The following ABCD2 variants were observed in gnomAD, a reference collection of about 807,000 sequenced individuals.
The protein encoded by ABCD2 is ATP-binding cassette sub-family D member 2.
A neutral mutation model predicts 70.9 loss-of-function variants in ABCD2; 36 were observed. That is an observed-to-expected ratio of 0.51 (90% confidence interval 0.39 to 0.67). The LOEUF (loss-of-function observed/expected upper bound fraction) is 0.67, where lower values mean the gene tolerates loss of function less well. Ranked by LOEUF, ABCD2 falls within the 30% of genes least tolerant of loss-of-function variation. The pLI is 0.00. For missense variants in ABCD2, 729 were observed against 890.2 expected (o/e 0.82, Z 2.30); for synonymous variants, 304 against 306.9 (o/e 0.99, Z 0.10).
At chr12:39,600,451 C>T (rs1437694336) in intron 6 of ABCD2, 120 bp downstream of exon 6, 12 of 1,017,176 alleles carry the variant, frequency 1.2e-5, no homozygotes, top group Non-Finnish European at 1.7e-5. Flanking sequence ...TTTTTATTTC[C>T]TTAATAGTTT....
the ABCD2 span, among the ~76,000 whole-genome samples, chr12:39,536,694 C>A: frequency 6.6e-6 from 1 of 152,140 alleles, no homozygotes; most frequent in Non-Finnish European, 1.5e-5. Flanking sequence ...CTTAACTGGA[C>A]AACCTTGAGA....
At chr12:39,574,491 T>C (rs1941490339) in intron 8 of ABCD2, among the ~76,000 whole-genome samples, 3 of 152,186 alleles carry the variant, frequency 2.0e-5, no homozygotes, top group Admixed American at 6.5e-5. Flanking sequence ...AATGCCTGTC[T>C]GTTATCAGAG....
At chr12:39,592,947 C>A (rs1941766459) in intron 6 of ABCD2, among the ~76,000 whole-genome samples, 1 of 152,112 alleles carries the variant, frequency 6.6e-6, no homozygotes, top group African/African-American at 2.4e-5. Flanking sequence ...TTTTCCAGAC[C>A]ACATCCTCAT....
intron 9 of ABCD2, among the ~76,000 whole-genome samples, chr12:39,570,369 T>C (rs1463238311): frequency 6.6e-6 from 1 of 152,200 alleles, no homozygotes; most frequent in Non-Finnish European, 1.5e-5. Flanking sequence ...AACAGCATTG[T>C]ACTGACACAA....
the ABCD2 span, among the ~76,000 whole-genome samples, chr12:39,532,660 T>C: frequency 6.6e-6 from 1 of 151,944 alleles, no homozygotes; most frequent in Non-Finnish European, 1.5e-5. Context: ...GATAGCAGTA[T>C]TACAAAAAAA....
intron 9 of ABCD2, among the ~76,000 whole-genome samples, chr12:39,568,728 C>G (rs1941399208): frequency 6.6e-6 from 1 of 152,128 alleles, no homozygotes; most frequent in Non-Finnish European, 1.5e-5. Flanking sequence ...TCCAGTTTTT[C>G]TGCTCTGTTT....
At position 39,586,396 on chromosome 12, in the gene ABCD2, A is replaced by G. The variant is rs1329149069; in HGVS notation, c.1647-99T>C. ...CTGAAAACATCAGTGAAGACTTTAA[A>G]CACTACATTTCCAGGATGATATTTG... On this transcript the variant is annotated intron_variant, in intron 6 of 9. Coordinates refer to ENST00000308666, the MANE Select transcript of ABCD2 (RefSeq NM_005164.4). 7 of 1,193,620 alleles carry G rather than the reference A, an allele frequency of 5.9e-6. No homozygotes were observed. The Admixed American group carries it at 1.2e-4, about 21-fold the overall frequency. 73.9% of individuals were successfully genotyped at this position (1,193,620 alleles called of 1,614,324 possible).
chr12:39,546,247 T>C (rs1168968123), downstream of ABCD2, among the ~76,000 whole-genome samples: 1 of 151,982 alleles, frequency 6.6e-6, no homozygotes, highest in African/African-American at 2.4e-5. Flanking sequence ...CCTACAGTAA[T>C]TTTATTCATT....
At chr12:39,576,606 C>T (rs1941521313) in intron 8 of ABCD2, among the ~76,000 whole-genome samples, 1 of 152,128 alleles carries the variant, frequency 6.6e-6, no homozygotes, top group Admixed American at 6.5e-5. Flanking sequence ...TTATAAATAA[C>T]ATGTTATGAA....
At chr12:39,538,075 G>C in the ABCD2 span, among the ~76,000 whole-genome samples, 1 of 152,050 alleles carries the variant, frequency 6.6e-6, no homozygotes. Context: ...ACCTCTAGAG[G>C]GTATTTAAAC....
chr12:39,556,916 G>A (rs1286627523), intron 9 of ABCD2, among the ~76,000 whole-genome samples: 2 of 151,222 alleles, frequency 1.3e-5, no homozygotes, highest in Admixed American at 1.3e-4. Flanking sequence ...CCAGGAGGCA[G>A]ATGTTGCAGT....
At chr12:39,555,002 G>T (rs760398875) in intron 9 of ABCD2, among the ~76,000 whole-genome samples, 1 of 151,812 alleles carries the variant, frequency 6.6e-6, no homozygotes, top group Non-Finnish European at 1.5e-5. Context: ...ATGATCGGTG[G>T]GCTTTTTTCA....
intron 2 of ABCD2, among the ~76,000 whole-genome samples, chr12:39,613,202 C>A (rs1437304619): frequency 1.1e-5 from 1 of 94,684 alleles, no homozygotes. Flanking sequence ...CCGGCTAAAA[C>A]GGTGAAACCC....
intron 2 of ABCD2, among the ~76,000 whole-genome samples, chr12:39,608,299 G>A (rs1452359817): frequency 6.6e-6 from 1 of 152,100 alleles, no homozygotes; most frequent in Non-Finnish European, 1.5e-5. Flanking sequence ...TGAGAGTTGG[G>A]ACAAATAAAT....
At chr12:39,606,199 C>T (rs547134401) in intron 3 of ABCD2, among the ~76,000 whole-genome samples, 15 of 152,134 alleles carry the variant, frequency 9.9e-5, no homozygotes, top group South Asian at 6.2e-4. Flanking sequence ...AATGTGAAGA[C>T]GGTAGGAAGT....
chr12:39,568,335 C>A (rs966573810), intron 9 of ABCD2, among the ~76,000 whole-genome samples: 3 of 151,986 alleles, frequency 2.0e-5, no homozygotes, highest in Non-Finnish European at 4.4e-5. Flanking sequence ...CTGTTTATTC[C>A]TTTTTCTCTA....
At chr12:39,610,782 A>C (rs1311178968) in intron 2 of ABCD2, among the ~76,000 whole-genome samples, 1 of 152,206 alleles carries the variant, frequency 6.6e-6, no homozygotes, top group Admixed American at 6.5e-5. Flanking sequence ...CCTCCAGATC[A>C]GATTTTATGT....
At chr12:39,581,327 T>C (rs1009129229) in intron 7 of ABCD2, among the ~76,000 whole-genome samples, 6 of 152,224 alleles carry the variant, frequency 3.9e-5, no homozygotes, top group Admixed American at 3.3e-4. Flanking sequence ...ATAAAAAATA[T>C]CTGGAGTGAA....
At chr12:39,583,744 C>T (rs888407956) in intron 7 of ABCD2, among the ~76,000 whole-genome samples, 2 of 152,102 alleles carry the variant, frequency 1.3e-5, no homozygotes, top group African/African-American at 4.8e-5. Flanking sequence ...TATCATTTAG[C>T]CCTATTTAAA....
Sources: gnomAD v4.1 joint callset for allele counts (sites outside exome capture counted in the v4.1 genomes callset) on GRCh38, gnomAD v4.1.1 for gene constraint, MANE v1.5 for transcripts, NCBI Gene and HGNC (gene_info 2026-07-23, HGNC 2026-07-21) for gene names.